The following BEAN1 variants were observed in gnomAD, a reference collection of about 807,000 sequenced individuals.
BEAN1 encodes brain expressed associated with NEDD4 1.
In BEAN1, 17 loss-of-function variants were observed where a neutral mutation model predicts 17.7. The observed-to-expected ratio is 0.96, with a 90% CI of 0.66 to 1.44. The LOEUF is 1.44. BEAN1 is among the 40% of genes most tolerant of loss of function. The pLI is 0.00. For missense variants in BEAN1, 359 were observed against 374.1 expected (o/e 0.96, Z 0.33); for synonymous variants, 142 against 151.8 (o/e 0.94, Z 0.47).
intron 3 of BEAN1, among the ~76,000 whole-genome samples, chr16:66,474,727 G>A (rs1963664579): frequency 6.7e-6 from 1 of 150,224 alleles, no homozygotes; most frequent in Non-Finnish European, 1.5e-5. Context: ...GAAAGAAAAA[G>A]GAAAAAGAAA....
chr16:66,453,213 G>A (rs145341066), intron 2 of BEAN1, among the ~76,000 whole-genome samples: 21 of 151,820 alleles, frequency 1.4e-4, no homozygotes, highest in African/African-American at 4.3e-4. Flanking sequence ...TTTTCAAGTC[G>A]AGGCCTTTCT....
chr16:66,464,948 C>CA (rs1963212534), intron 2 of BEAN1, among the ~76,000 whole-genome samples: 1 of 152,098 alleles, frequency 6.6e-6, no homozygotes, highest in Admixed American at 6.5e-5. Flanking sequence ...ATAGAAGTAC[C>CA]AAAAGTGGAC....
chr16:66,449,060 A>T (rs559704448), intron 2 of BEAN1, among the ~76,000 whole-genome samples: 1 of 152,266 alleles, frequency 6.6e-6, no homozygotes, highest in South Asian at 2.1e-4. Flanking sequence ...AACTCCCCTG[A>T]TGTGTCCTCC....
rs1379629231 is a variant in BEAN1, at chr16:66,473,753, G to A, written c.290-3807G>A. ...TAATAAATAAAGAGGGAGGGGCAGT[G>A]TACCAGTGAACCCCAACCTTTGGCA... On this transcript the variant is annotated intron_variant, in intron 3 of 4. Transcript: ENST00000536005. This position sits in a 1 kb window ranked among gnomAD's most constrained non-coding sequence, Gnocchi z 4.5. Among the ~76,000 whole-genome samples the A allele has an allele frequency of 6.6e-6, 1 of 152,034 alleles. No individual in the cohort carries two copies. Among genetic ancestry groups the A allele is most frequent in the East Asian group, 1.9e-4 (1 of 5,188 alleles).
intron 2 of BEAN1, among the ~76,000 whole-genome samples, chr16:66,438,705 CT>C (rs1329681836): frequency 1.3e-5 from 2 of 152,152 alleles, no homozygotes; most frequent in African/African-American, 4.8e-5. Flanking sequence ...GACTTCTCCC[CT>C]AGTCTCCACC....
Position 66,480,793 on chromosome 16 carries a change from C to T in BEAN1, c.648C>T (p.Tyr216=), listed in dbSNP as rs146144419. The T allele has an allele frequency of 8.2e-3, 12,777 of 1,549,668 alleles. 69 individuals are homozygous for T. Among genetic ancestry groups the T allele is most frequent in the Non-Finnish European group, 9.2e-3 (10,594 of 1,146,146 alleles). Residue 216 remains tyrosine, a synonymous_variant, in exon 5 of 5, where the codon TAC becomes TAT. Coordinates refer to ENST00000536005, the MANE Select transcript of BEAN1 (RefSeq NM_001178020.3). The part of the protein sequence containing the change: ...HTVSMDTLPP[Y]EAVCGAGPPS... ...TCTCCATGGACACCCTTCCCCCCTACGAGGCTGTGTGCGGGGCTGGCCCCC... is the reference window on the plus strand; with the variant it reads ...TCTCCATGGACACCCTTCCCCCCTATGAGGCTGTGTGCGGGGCTGGCCCCC...
chr16:66,465,040 A>G (rs1963215811), intron 2 of BEAN1, among the ~76,000 whole-genome samples: 1 of 152,334 alleles, frequency 6.6e-6, no homozygotes, highest in Non-Finnish European at 1.5e-5. Context: ...GTCTTTCATA[A>G]ATGCCCTTTA....
chr16:66,455,562 CTT>C (rs1320542321), intron 2 of BEAN1, among the ~76,000 whole-genome samples: 2 of 152,094 alleles, frequency 1.3e-5, no homozygotes, highest in Non-Finnish European at 2.9e-5. Context: ...GAAAGTAGCT[CTT>C]TTGGAGAAAG....
At chr16:66,468,608 T>A (rs910568456) in intron 2 of BEAN1, among the ~76,000 whole-genome samples, 1 of 152,186 alleles carries the variant, frequency 6.6e-6, no homozygotes, top group African/African-American at 2.4e-5. Flanking sequence ...TGAGCAACCA[T>A]GGGCCAGTCA....
At chr16:66,491,820 T>A (rs1045797044) in intron 4 of BEAN1, among the ~76,000 whole-genome samples, 1 of 152,110 alleles carries the variant, frequency 6.6e-6, no homozygotes, top group Non-Finnish European at 1.5e-5. Context: ...GAGGCGGAGC[T>A]CAAGTGATAA....
intron 1 of BEAN1, among the ~76,000 whole-genome samples, chr16:66,431,996 G>A (rs562940560): frequency 5.3e-5 from 8 of 152,066 alleles, no homozygotes; most frequent in Admixed American, 2.0e-4. Context: ...TTGTAGAGAC[G>A]AGGTTTCATT....
intron 3 of BEAN1, among the ~76,000 whole-genome samples, chr16:66,472,826 C>A (rs1386089372): frequency 1.3e-5 from 2 of 152,072 alleles, no homozygotes; most frequent in African/African-American, 4.8e-5. Flanking sequence ...TTGAGACCAG[C>A]CTGGGCAACA....
At chr16:66,462,681 A>T (rs1422048393) in intron 2 of BEAN1, among the ~76,000 whole-genome samples, 1 of 152,136 alleles carries the variant, frequency 6.6e-6, no homozygotes, top group African/African-American at 2.4e-5. Context: ...CATGCCTATA[A>T]TCCCAGCTAC....
Position 66,437,700 on chromosome 16 carries a change from CT to C in BEAN1, c.25del (p.Leu9Ter), listed in dbSNP as rs969137965. The C allele has an allele frequency of 1.3e-5, 20 of 1,535,728 alleles. No individual in the cohort carries two copies. The highest frequency in any genetic ancestry group is 1.6e-5 in the Non-Finnish European group (18 of 1,146,658). On this transcript the variant is annotated frameshift_variant and splice_region_variant, in exon 2 of 5. Transcript: ENST00000536005. LOFTEE classifies it high-confidence loss of function. MSFKRPCP[L>X]ARYNRTSYFY... Reference sequence around the variant, plus strand: ...ACATGTCCTTCAAACGTCCCTGCCCCTGTAAGTTTCCTCCCCACATCCTTCC... The same window carrying C: ...ACATGTCCTTCAAACGTCCCTGCCCCGTAAGTTTCCTCCCCACATCCTTCC...
At chr16:66,470,079 G>C in intron 3 of BEAN1, 1 of 676,218 alleles carries the variant, frequency 1.5e-6, no homozygotes, top group Non-Finnish European at 2.4e-6. Flanking sequence ...GAGAAACTCA[G>C]AGTGAGGCTG....
At chr16:66,475,145 G>A (rs1315549784) in intron 3 of BEAN1, among the ~76,000 whole-genome samples, 1 of 152,186 alleles carries the variant, frequency 6.6e-6, no homozygotes, top group Non-Finnish European at 1.5e-5. Context: ...TGGACTATTT[G>A]GATCTGTGCC....
At chr16:66,462,439 AC>A (rs1251019087) in intron 2 of BEAN1, among the ~76,000 whole-genome samples, 1 of 152,224 alleles carries the variant, frequency 6.6e-6, no homozygotes, top group Admixed American at 6.5e-5. Flanking sequence ...CAGTCACCCA[AC>A]AAATATTTAA....
intron 1 of BEAN1, among the ~76,000 whole-genome samples, chr16:66,431,310 A>G (rs993712058): frequency 2.3e-4 from 35 of 152,168 alleles, no homozygotes; most frequent in Non-Finnish European, 4.0e-4. Context: ...CAAAAACCCC[A>G]CAACTTCTAA....
At chr16:66,441,962 CTTA>C (rs1239249422) in intron 2 of BEAN1, among the ~76,000 whole-genome samples, 2 of 152,216 alleles carry the variant, frequency 1.3e-5, no homozygotes, top group African/African-American at 4.8e-5. Flanking sequence ...GCCAGCAGCT[CTTA>C]TTAACTCCCT....
Sources: gnomAD v4.1 joint callset for allele counts (sites outside exome capture counted in the v4.1 genomes callset) on GRCh38, gnomAD v4.1.1 for gene constraint, Gnocchi (gnomAD v3.1) non-coding constraint, MANE v1.5 for transcripts, NCBI Gene and HGNC (gene_info 2026-07-23, HGNC 2026-07-21) for gene names.